Variants in ENTPD1 observed in about 807,000 individuals in gnomAD.
The protein encoded by ENTPD1 is ATP diphosphohydrolase.
ENTPD1 carries 33 observed loss-of-function variants against 57.0 expected under a neutral mutation model. The ratio of observed to expected loss-of-function variants is 0.58; its 90% CI spans 0.44 to 0.77. The LOEUF is 0.77. Ranked by LOEUF, ENTPD1 falls within the 30% of genes least tolerant of loss-of-function variation. The pLI is 0.00. For missense variants in ENTPD1, 501 were observed against 603.4 expected (o/e 0.83, Z 1.78); for synonymous variants, 202 against 218.8 (o/e 0.92, Z 0.68).
chr10:95,821,640 C>T (rs3176890), intron 1 of ENTPD1, among the ~76,000 whole-genome samples: 82,049 of 151,976 alleles, frequency 0.54, 22,573 homozygotes, highest in Admixed American at 0.63. Flanking sequence ...GTGTATTTCA[C>T]CTGCTCTTCC....
chr10:95,802,094 C>T (rs1329703499), intron 1 of ENTPD1, among the ~76,000 whole-genome samples: 2 of 152,086 alleles, frequency 1.3e-5, no homozygotes, highest in African/African-American at 4.8e-5. Flanking sequence ...CGGGGTACAG[C>T]TTGGTTTTAT....
chr10:95,786,669 C>G (rs2153913), intron 1 of ENTPD1, among the ~76,000 whole-genome samples: 81,956 of 151,910 alleles, frequency 0.54, 22,541 homozygotes, highest in Admixed American at 0.63. Context: ...TTCAGCATAT[C>G]TTAAAATGAC....
chr10:95,748,681 A>C (rs2139895041), intron 1 of ENTPD1, among the ~76,000 whole-genome samples: 1 of 152,316 alleles, frequency 6.6e-6, no homozygotes, highest in South Asian at 2.1e-4. Context: ...GTCAGTTTTC[A>C]AATTTCTTTG....
chr10:95,698,567 T>A, the ENTPD1 span, among the ~76,000 whole-genome samples: 1 of 152,188 alleles, frequency 6.6e-6, no homozygotes, highest in Non-Finnish European at 1.5e-5. Context: ...TCAAAGATCT[T>A]AGAGGGTGCC....
chr10:95,712,892 GGT>G (rs1255220905), intron 1 of ENTPD1, among the ~76,000 whole-genome samples: 1 of 152,124 alleles, frequency 6.6e-6, no homozygotes, highest in African/African-American at 2.4e-5. Context: ...AAATTAGCCG[GGT>G]GTGGTGGCGG....
intron 2 of ENTPD1, among the ~76,000 whole-genome samples, chr10:95,828,597 C>T (rs573500032): frequency 4.6e-5 from 7 of 152,210 alleles, no homozygotes; most frequent in African/African-American, 1.7e-4. Flanking sequence ...GAAAGAATTC[C>T]TCCTAAGGCA....
chr10:95,754,836 A>G (rs758418977), upstream of ENTPD1: 2 of 152,254 alleles, frequency 1.3e-5, no homozygotes, highest in Non-Finnish European at 2.9e-5. Context: ...TAAAAAATGT[A>G]TTGAGTATAT....
chr10:95,714,840 T>C (rs899796960), intron 1 of ENTPD1, among the ~76,000 whole-genome samples: 21 of 152,214 alleles, frequency 1.4e-4, no homozygotes, highest in African/African-American at 4.8e-4. Flanking sequence ...AGTTTAAGAA[T>C]AAGATTAGCC....
At chr10:95,818,619 A>G (rs1265630904) in intron 1 of ENTPD1, among the ~76,000 whole-genome samples, 6 of 152,198 alleles carry the variant, frequency 3.9e-5, no homozygotes, top group Non-Finnish European at 8.8e-5. Flanking sequence ...CTATAGAAGA[A>G]GGTGGGTCTA....
chr10:95,835,984 CTTGAG>C (rs1206123098), intron 2 of ENTPD1, among the ~76,000 whole-genome samples: 1 of 152,040 alleles, frequency 6.6e-6, no homozygotes, highest in Non-Finnish European at 1.5e-5. Flanking sequence ...TTTATTCTAC[CTTGAG>C]TTAATTTTTG....
In ENTPD1 at chr10:95,766,307, C is replaced by A. The variant is rs180782485; in HGVS notation, c.16+10052C>A. Among the ~76,000 whole-genome samples the A allele has an allele frequency of 1.3e-3, 200 of 152,268 alleles. 2 individuals are homozygous for A. The highest frequency in any genetic ancestry group is 1.2e-3 in the Admixed American group (18 of 15,302). Reference sequence around the variant, plus strand: ...AGTACAGTAGTCAAACTCAGGAAATCTAACACTGATAGAATACTTTCAATT... The same window carrying A: ...AGTACAGTAGTCAAACTCAGGAAATATAACACTGATAGAATACTTTCAATT... On this transcript the variant is annotated intron_variant, in intron 1 of 9. Coordinates refer to ENST00000371205, the MANE Select transcript of ENTPD1 (RefSeq NM_001776.6).
rs2140109228 is a variant in ENTPD1 at position 95,772,659 on chromosome 10, C to T, written c.16+16404C>T. On this transcript the variant is annotated intron_variant, in intron 1 of 9. Transcript: ENST00000371205. ...AAGTCTTGAGCCCCTCCAAGTCATT[C>T]ATGAGGGTTGGAGTCAACTTCTTCC... Among the ~76,000 whole-genome samples, 3 of 152,272 alleles carry T rather than the reference C, an allele frequency of 2.0e-5. 1 individual carries two copies.
chr10:95,840,254 A>G (rs1269368073), intron 3 of ENTPD1, among the ~76,000 whole-genome samples: 1 of 152,256 alleles, frequency 6.6e-6, no homozygotes, highest in Non-Finnish European at 1.5e-5. Context: ...TCAAGTCTGC[A>G]TCTTAGCCAG....
At chr10:95,749,464 T>C (rs997690816) in intron 1 of ENTPD1, among the ~76,000 whole-genome samples, 11 of 152,212 alleles carry the variant, frequency 7.2e-5, no homozygotes, top group Admixed American at 2.6e-4. Context: ...ACAACCCTAG[T>C]AATTTTAGAT....
intron 1 of ENTPD1, among the ~76,000 whole-genome samples, chr10:95,762,209 CAAAAA>C (rs59588135): frequency 2.5e-5 from 2 of 78,502 alleles, no homozygotes; most frequent in African/African-American, 4.0e-5. Context: ...TAAAAAGAAG[CAAAAA>C]AAAAAAAAAA....
chr10:95,730,140 G>T (rs575768064), intron 1 of ENTPD1, among the ~76,000 whole-genome samples: 2 of 152,104 alleles, frequency 1.3e-5, no homozygotes, highest in South Asian at 4.1e-4. Context: ...AGGCTCAAGT[G>T]ATCTTCCCAC....
intron 1 of ENTPD1, among the ~76,000 whole-genome samples, chr10:95,815,937 C>T (rs1490620934): frequency 3.9e-5 from 6 of 152,156 alleles, no homozygotes; most frequent in African/African-American, 7.2e-5. Context: ...GCCCTTTTCC[C>T]GTGATTCTTC....
intron 9 of ENTPD1, 124 bp downstream of exon 9, chr10:95,864,985 C>T (rs1171936982): frequency 8.6e-7 from 1 of 1,158,124 alleles, no homozygotes; most frequent in African/African-American, 1.5e-5. Flanking sequence ...CCTGTTCTGC[C>T]ATTCTGCTTC....
upstream of ENTPD1, chr10:95,753,651 A>G (rs2098015698): frequency 1.3e-5 from 2 of 152,240 alleles, no homozygotes. Flanking sequence ...TTTGTCGACA[A>G]CGTCTGATAC....
Sources: allele counts gnomAD v4.1 joint callset (sites outside exome capture counted in the v4.1 genomes callset), GRCh38; gene constraint gnomAD v4.1.1; transcripts MANE v1.5; gene names NCBI Gene and HGNC (gene_info 2026-07-23, HGNC 2026-07-21).